Variants in PTPRD observed in about 807,000 individuals in gnomAD.
The protein encoded by PTPRD is protein tyrosine phosphatase receptor type D.
Under a neutral mutation model 214.5 loss-of-function variants are expected in PTPRD, and 34 were observed. The observed-to-expected ratio is 0.16, with a 90% CI of 0.12 to 0.21. PTPRD has a LOEUF of 0.21. Among genes scored for constraint, PTPRD ranks in the 10% least tolerant of loss-of-function variants. The probability of loss-of-function intolerance (pLI) is 1.00; values close to 1 mark genes in which losing one functional copy is unlikely to be tolerated. For missense variants in PTPRD, 2,545 were observed against 2,398.7 expected (o/e 1.06, Z -1.27); for synonymous variants, 1,128 against 845.7 (o/e 1.33, Z -5.79).
Position 9,629,018 on chromosome 9 carries a change from A to C in PTPRD, c.-286-54237T>G, listed in dbSNP as rs529660965. 1.1e-4 allele frequency among the ~76,000 whole-genome samples: 17 copies of C among 150,946 alleles called. No individual in the cohort carries two copies. In the South Asian group the frequency reaches 3.3e-3, roughly 30 times the overall value. On this transcript the variant is annotated intron_variant, in intron 7 of 45. Coordinates refer to ENST00000381196, the MANE Select transcript of PTPRD (RefSeq NM_002839.4). ...GAAACCCCATCTCTACCAAAAATAC[A>C]AAAAAATTAGCCAGGCATGGTGGTG... is the stretch of plus-strand genomic sequence containing the variant.
At chr9:10,416,383 C>T (rs536775982) in intron 2 of PTPRD, among the ~76,000 whole-genome samples, 11 of 151,602 alleles carry the variant, frequency 7.3e-5, no homozygotes, top group Middle Eastern at 3.4e-3. Flanking sequence ...AACACAAAAG[C>T]AACAGACAAA....
At chr9:9,993,879 G>A (rs2096035370) in intron 4 of PTPRD, among the ~76,000 whole-genome samples, 1 of 152,128 alleles carries the variant, frequency 6.6e-6, no homozygotes, top group Non-Finnish European at 1.5e-5. Context: ...CATGTTAACT[G>A]ATCATGGTGA....
At chr9:9,038,086 C>T (rs192073605) in intron 10 of PTPRD, among the ~76,000 whole-genome samples, 207 of 152,246 alleles carry the variant, frequency 1.4e-3, no homozygotes, top group Admixed American at 2.2e-3. Context: ...TGTTCCTTTC[C>T]CCTTTCTACA....
intron 4 of PTPRD, among the ~76,000 whole-genome samples, chr9:9,978,048 C>A (rs1720906793): frequency 1.3e-5 from 2 of 151,910 alleles, no homozygotes; most frequent in Non-Finnish European, 2.9e-5. Context: ...TAACTTTTCT[C>A]AAGTCCATCA....
At chr9:8,647,509 A>G (rs2096720176) in intron 12 of PTPRD, among the ~76,000 whole-genome samples, 1 of 152,222 alleles carries the variant, frequency 6.6e-6, no homozygotes, top group South Asian at 2.1e-4. Flanking sequence ...TATATTATAA[A>G]GAGTAAAGAT....
At chr9:8,319,538 G>C (rs927466067) in intron 45 of PTPRD, among the ~76,000 whole-genome samples, 1 of 151,828 alleles carries the variant, frequency 6.6e-6, no homozygotes, top group African/African-American at 2.4e-5. Context: ...ATAGGACTAT[G>C]AATATAACGA....
At chr9:10,415,136 C>T (rs1254131223) in intron 2 of PTPRD, among the ~76,000 whole-genome samples, 2 of 151,608 alleles carry the variant, frequency 1.3e-5, no homozygotes, top group African/African-American at 4.8e-5. Flanking sequence ...AGCCTAAATA[C>T]ACCAAATAAT....
chr9:9,620,614 T>G (rs1163537855), intron 7 of PTPRD, among the ~76,000 whole-genome samples: 1 of 152,196 alleles, frequency 6.6e-6, no homozygotes, highest in African/African-American at 2.4e-5. Flanking sequence ...GTTTTCAAGT[T>G]TGACCTTTCA....
intron 14 of PTPRD, among the ~76,000 whole-genome samples, chr9:8,557,090 G>A (rs552833494): frequency 6.6e-6 from 1 of 152,226 alleles, no homozygotes; most frequent in South Asian, 2.1e-4. Flanking sequence ...AGGAAGGAGT[G>A]CCCATTCAGA....
At chr9:8,380,940 C>A (rs1431072421) in intron 37 of PTPRD, among the ~76,000 whole-genome samples, 1 of 152,156 alleles carries the variant, frequency 6.6e-6, no homozygotes, top group African/African-American at 2.4e-5. Context: ...TAAAGACTTA[C>A]TGAGCATGGC....
At chr9:8,904,815 C>G (rs1047381771) in intron 11 of PTPRD, among the ~76,000 whole-genome samples, 2 of 152,062 alleles carry the variant, frequency 1.3e-5, no homozygotes, top group African/African-American at 2.4e-5. Flanking sequence ...TGATTGTACA[C>G]TCATAATGCA....
rs202204879 is a variant in PTPRD, at chr9:10,108,443, A to AT, written c.-544-74654dup. Among the ~76,000 whole-genome samples, 789 of 150,804 alleles carry AT rather than the reference A, an allele frequency of 5.2e-3. 5 individuals are homozygous for AT. Among genetic ancestry groups the AT allele is most frequent in the African/African-American group, 0.017 (704 of 41,142 alleles). On this transcript the variant is annotated intron_variant, in intron 3 of 45. Coordinates refer to ENST00000381196, the MANE Select transcript of PTPRD (RefSeq NM_002839.4). Reference sequence around the variant, plus strand: ...TCCTTCTGTCTAACTGAAATTTTGTATTTTTTTTTACCATCTCTCTAATCC... The same window carrying AT: ...TCCTTCTGTCTAACTGAAATTTTGTATTTTTTTTTTACCATCTCTCTAATCC...
intron 9 of PTPRD, among the ~76,000 whole-genome samples, chr9:9,218,957 G>C (rs565705639): frequency 6.6e-6 from 1 of 152,024 alleles, no homozygotes; most frequent in Non-Finnish European, 1.5e-5. Flanking sequence ...TAGTCCAGCT[G>C]TTAAGTAGCA....
intron 2 of PTPRD, among the ~76,000 whole-genome samples, chr9:10,422,951 C>G (rs1223641405): frequency 1.3e-5 from 2 of 152,074 alleles, no homozygotes; most frequent in African/African-American, 4.8e-5. Flanking sequence ...CATCCCATTA[C>G]TGGGTATATA....
chr9:9,059,613 A>G (rs922270493), intron 10 of PTPRD, among the ~76,000 whole-genome samples: 3 of 152,184 alleles, frequency 2.0e-5, no homozygotes, highest in Non-Finnish European at 2.9e-5. Context: ...CCTTAAGCAC[A>G]TTTGTTAGTA....
chr9:9,399,526 T>C (rs113214228), intron 8 of PTPRD, among the ~76,000 whole-genome samples: 1 of 152,064 alleles, frequency 6.6e-6, no homozygotes, highest in Admixed American at 6.6e-5. Flanking sequence ...AAGGTCAAAG[T>C]TTTCAAAGTG....
chr9:8,727,905 T>C (rs1197881732), intron 12 of PTPRD, among the ~76,000 whole-genome samples: 1 of 152,214 alleles, frequency 6.6e-6, no homozygotes, highest in Non-Finnish European at 1.5e-5. Context: ...TTCAATGGTA[T>C]TTAGTATATT....
intron 2 of PTPRD, among the ~76,000 whole-genome samples, chr9:10,543,025 A>C (rs1467128531): frequency 6.6e-6 from 1 of 152,100 alleles, no homozygotes; most frequent in East Asian, 1.9e-4. Context: ...TGCTGGGATT[A>C]CAGGCGTAAT....
At chr9:10,472,089 C>A (rs1257185978) in intron 2 of PTPRD, among the ~76,000 whole-genome samples, 2 of 151,894 alleles carry the variant, frequency 1.3e-5, no homozygotes, top group Non-Finnish European at 2.9e-5. Context: ...CAAGTAAGAA[C>A]AAGATATTCA....
Sources: gnomAD v4.1 joint callset for allele counts (sites outside exome capture counted in the v4.1 genomes callset) on GRCh38, gnomAD v4.1.1 for gene constraint, MANE v1.5 for transcripts, NCBI Gene and HGNC (gene_info 2026-07-23, HGNC 2026-07-21) for gene names.